Variants in RADIL observed in about 807,000 individuals in gnomAD.
RADIL encodes the protein Rap associating with DIL domain.
Under a neutral mutation model 97.6 loss-of-function variants are expected in RADIL, and 99 were observed. That is an observed-to-expected ratio of 1.01 (90% CI 0.86 to 1.20). The LOEUF (loss-of-function observed/expected upper bound fraction) is 1.20. Ranked by LOEUF, RADIL falls within the 50% of genes most tolerant of loss-of-function variation. The probability of loss-of-function intolerance (pLI) is 0.00; values close to 1 mark genes in which losing one functional copy is unlikely to be tolerated. For missense variants in RADIL, 1,765 were observed against 1,498.9 expected, an observed-to-expected ratio of 1.18 and a Z score of -2.93; for synonymous variants, 803 against 691.8, an observed-to-expected ratio of 1.16 and a Z score of -2.52.
intron 2 of RADIL, among the ~76,000 whole-genome samples, chr7:4,845,592 TC>T (rs1783547111): frequency 6.6e-6 from 1 of 152,194 alleles, no homozygotes; most frequent in African/African-American, 2.4e-5. Context: ...TGATTTCTCC[TC>T]CTTTCTCTAT....
In RADIL at chr7:4,799,767, G is replaced by A; in HGVS notation, c.2985C>T (p.His995=). The A allele has an allele frequency of 6.5e-7, 1 of 1,529,008 alleles. No individual in the cohort carries two copies. Among genetic ancestry groups the A allele is most frequent in the South Asian group, 1.2e-5 (1 of 82,882 alleles). The allele number at this position is 1,529,008 out of a possible 1,614,324, so 94.7% of individuals were successfully genotyped here. A position where few individuals can be genotyped will look rare whatever the true frequency, so the allele number is the denominator to read the frequency against. ...AGAGCCCGGGGGCGCCCAGGTGCGT[G>A]TGCTGGGGACAAGCAGAGGCCTCAG... ...GLGMGLIDGM[H]THLGAPGLYI... is the part of the protein sequence containing the mutation. Residue 995 remains histidine (H), a splice_region_variant and synonymous_variant, in exon 14 of 15, where the codon CAC becomes CAT. Coordinates refer to ENST00000399583, the MANE Select transcript of RADIL (RefSeq NM_018059.5).
chr7:4,853,413 A>C (rs949610162), intron 2 of RADIL, among the ~76,000 whole-genome samples: 4 of 152,190 alleles, frequency 2.6e-5, no homozygotes, highest in African/African-American at 9.7e-5. Flanking sequence ...TACTCAAAGA[A>C]TGATGGAGAT....
At chr7:4,846,464 C>T (rs1020796628) in intron 2 of RADIL, among the ~76,000 whole-genome samples, 1 of 149,086 alleles carries the variant, frequency 6.7e-6, no homozygotes, top group Non-Finnish European at 1.5e-5. Context: ...TTTTAAGTAT[C>T]TTGAGTTTTA....
Position 4,816,198 on chromosome 7 carries a change from C to T in RADIL, c.1966+30G>A, listed in dbSNP as rs1384836460. On this transcript the variant is annotated intron_variant, in intron 8 of 14. Transcript: ENST00000399583. ...CGTCATGTCCAGGAATGTGAGCCCC[C>T]GACCCCTCAACCCTGCACGAGGCCC... is the stretch of plus-strand genomic sequence containing the variant. The T allele has an allele frequency of 1.0e-5, 16 of 1,580,766 alleles. No individual in the cohort carries two copies. The East Asian group carries it at 1.1e-4, about 11-fold the overall frequency.
In RADIL at chr7:4,816,433, C is replaced by T; in HGVS notation, c.1761G>A (p.Glu587=). ...GGCGCTCCGTCTGGAATGGCGGGCACTCCAGGAGTGCCGGGAGGCAGATGT... is the reference window on the plus strand; with the variant it reads ...GGCGCTCCGTCTGGAATGGCGGGCATTCCAGGAGTGCCGGGAGGCAGATGT... The part of the protein sequence containing the change: ...SLYICLPALL[E]CPPFQTERRE... The change falls in exon 8 of 15, where the codon GAG becomes GAA. Residue 587 remains glutamate (E), a synonymous_variant. Coordinates refer to ENST00000399583, the MANE Select transcript of RADIL (RefSeq NM_018059.5). The T allele has an allele frequency of 6.2e-7, 1 of 1,607,628 alleles. No homozygotes were observed. The highest frequency in any genetic ancestry group is 8.5e-7 in the Non-Finnish European group (1 of 1,178,128).
chr7:4,807,372 C>T (rs554787173), intron 9 of RADIL, among the ~76,000 whole-genome samples: 2 of 152,138 alleles, frequency 1.3e-5, no homozygotes, highest in African/African-American at 4.8e-5. Context: ...ATTGTGAGTT[C>T]CTAGAACCTT....
intron 2 of RADIL, 43 bp from the exon 3 acceptor site, chr7:4,836,648 A>T (rs1255183116): frequency 4.4e-6 from 7 of 1,600,990 alleles, no homozygotes; most frequent in Non-Finnish European, 5.9e-6. Context: ...GAAGTCTCAT[A>T]GCACCAGGAC....
chr7:4,826,490 TGGGA>T (rs1482341390), intron 5 of RADIL, among the ~76,000 whole-genome samples: 1 of 151,918 alleles, frequency 6.6e-6, no homozygotes, highest in Non-Finnish European at 1.5e-5. Context: ...CCCAGCACTT[TGGGA>T]GGCTGAGGCG....
At chr7:4,857,092 G>C (rs1783852016) in intron 2 of RADIL, among the ~76,000 whole-genome samples, 1 of 152,186 alleles carries the variant, frequency 6.6e-6, no homozygotes, top group Admixed American at 6.5e-5. Flanking sequence ...AATCTTCTAT[G>C]ATAATGACAC....
rs993650383 is a variant in RADIL, at chr7:4,809,546, G to A, written c.2140-3830C>T. 27 of 985,290 alleles carry A rather than the reference G, an allele frequency of 2.7e-5. No homozygotes were observed. In the African/African-American group the frequency reaches 4.0e-4, roughly 15 times the overall value. 61.0% of individuals were successfully genotyped at this position (985,290 alleles called of 1,614,324 possible). On this transcript the variant is annotated intron_variant, in intron 9 of 14. Transcript: ENST00000399583. The stretch of plus-strand genomic sequence containing the variant: ...GCGGCGGCTGCTCGGGAGCCCCCAG[G>A]CCCGCCCAGGCACCACGGCAGGTCC...
chr7:4,799,856 C>T (rs965053892), intron 13 of RADIL, 87 bp from the exon 14 acceptor site: 119 of 1,430,804 alleles, frequency 8.3e-5, no homozygotes, highest in Non-Finnish European at 1.1e-4. Flanking sequence ...TTGGCACCTA[C>T]AGGCCCCCGC....
At chr7:4,805,391 G>C (rs1435831325) in intron 10 of RADIL, 175 bp downstream of exon 10, 1 of 700,382 alleles carries the variant, frequency 1.4e-6, no homozygotes, top group East Asian at 3.0e-5. Flanking sequence ...GGATCCCCAG[G>C]TTGGGGATGG....
At chr7:4,841,103 G>A (rs1240151874) in intron 2 of RADIL, among the ~76,000 whole-genome samples, 1 of 152,234 alleles carries the variant, frequency 6.6e-6, no homozygotes, top group East Asian at 1.9e-4. Context: ...CTTAAATAAA[G>A]CGCCAGACCC....
chr7:4,805,039 A>G (rs1019960290), intron 10 of RADIL, among the ~76,000 whole-genome samples: 1 of 152,158 alleles, frequency 6.6e-6, no homozygotes, highest in Non-Finnish European at 1.5e-5. Context: ...GGTTGCAGTG[A>G]GCTGAGATTG....
chr7:4,799,421 ACGT>A lies in RADIL; in HGVS notation c.3182_3184del (p.Asp1061del). 1 of 1,613,786 alleles carries A rather than the reference ACGT, an allele frequency of 6.2e-7. No individual in the cohort carries two copies. The highest frequency in any genetic ancestry group is 8.5e-7 in the Non-Finnish European group (1 of 1,179,980). On this transcript the variant is annotated inframe_deletion, in exon 15 of 15. Coordinates refer to ENST00000399583, the MANE Select transcript of RADIL (RefSeq NM_018059.5). ...GAAATGGATCTTCTTGGCTGTTTCC[ACGT>A]CGGACTTCGCGACCAGGAACCGCAT...
At chr7:4,861,833 G>GACAC in intron 2 of RADIL, 1 of 1,246,612 alleles carries the variant, frequency 8.0e-7, no homozygotes, top group East Asian at 2.9e-5. Flanking sequence ...GCCCCGCCAG[G>GACAC]GCACGTCCCC....
At position 4,813,686 on chromosome 7, in the gene RADIL, A is replaced by G. The variant is rs1782604555; in HGVS notation, c.2139+1592T>C. ...TTCAGTCAGCTCTTTGTGGAGGCTC[A>G]CTCTCTCCTCATCCTTCAGGAGCTC... is the stretch of plus-strand genomic sequence containing the variant. On this transcript the variant is annotated intron_variant, in intron 9 of 14. Coordinates refer to ENST00000399583, the MANE Select transcript of RADIL (RefSeq NM_018059.5). This position sits in a 1 kb window ranked among gnomAD's most constrained non-coding sequence, Gnocchi z 5.0. Among the ~76,000 whole-genome samples, 1 of 152,008 alleles carries G rather than the reference A, an allele frequency of 6.6e-6. No individual in the cohort carries two copies. The highest frequency in any genetic ancestry group is 6.6e-5 in the Admixed American group (1 of 15,262).
intron 2 of RADIL, among the ~76,000 whole-genome samples, chr7:4,876,235 T>C (rs1230456072): frequency 6.6e-6 from 1 of 152,132 alleles, no homozygotes; most frequent in Non-Finnish European, 1.5e-5. Flanking sequence ...GCGATCCTCC[T>C]ACCTTGGCCT....
intron 10 of RADIL, 186 bp downstream of exon 10, chr7:4,805,370 AGGAGGTCCCC>A (rs1325887981): frequency 1.7e-6 from 1 of 572,358 alleles, no homozygotes; most frequent in Non-Finnish European, 2.7e-6. Context: ...TCCCCCGCCG[AGGAGGTCCCC>A]GGATCCCCAG....
Sources: allele counts gnomAD v4.1 joint callset (sites outside exome capture counted in the v4.1 genomes callset), GRCh38; gene constraint gnomAD v4.1.1; non-coding constraint Gnocchi (gnomAD v3.1); transcripts MANE v1.5; gene names NCBI Gene and HGNC (gene_info 2026-07-23, HGNC 2026-07-21).